NCAPG2: variants seen among roughly 807,000 people sequenced by gnomAD.
NCAPG2 encodes the protein non-SMC condensin II complex subunit G2, also known as condensin-2 complex subunit G2.
A neutral mutation model predicts 141.1 loss-of-function variants in NCAPG2; 53 were observed. The observed-to-expected ratio is 0.38, with a 90% CI of 0.30 to 0.47. The LOEUF (loss-of-function observed/expected upper bound fraction) is 0.47. Ranked by LOEUF, NCAPG2 falls within the 20% of genes least tolerant of loss-of-function variation. NCAPG2 has a pLI of 0.99. For missense variants in NCAPG2, 1,087 were observed against 1,389.0 expected (o/e 0.78, Z 3.46); for synonymous variants, 499 against 490.7 (o/e 1.02, Z -0.22).
At position 158,641,398 on chromosome 7, in the gene NCAPG2, TTAAATA is replaced by T; in HGVS notation, c.3380+2885_3380+2890del. ...ATATACTGTCTATAAAAAAACCACT[TTAAATA>T]TAAAGACACATATAGATAGAAATTA... On this transcript the variant is annotated intron_variant, in intron 27 of 27. Coordinates refer to ENST00000356309, the MANE Select transcript of NCAPG2 (RefSeq NM_017760.7). The T allele has an allele frequency of 1.4e-5, 7 of 485,950 alleles. No homozygotes were observed. In the South Asian group the frequency reaches 2.5e-4, roughly 17 times the overall value. 30.1% of individuals were successfully genotyped at this position (485,950 alleles called of 1,614,324 possible).
At position 158,701,952 on chromosome 7, in the gene NCAPG2, C is replaced by A; in HGVS notation, c.-39-14G>T. ...TATTTTGTAACCCTAATGGAAAACACAATCATACTGAAACACTTGCAAATA... is the reference window on the plus strand; with the variant it reads ...TATTTTGTAACCCTAATGGAAAACAAAATCATACTGAAACACTTGCAAATA... On this transcript the variant is annotated splice_polypyrimidine_tract_variant and intron_variant, in intron 1 of 27. Transcript: ENST00000356309. 4 of 1,413,650 alleles carry A rather than the reference C, an allele frequency of 2.8e-6. No homozygotes were observed. Among genetic ancestry groups the A allele is most frequent in the South Asian group, 1.3e-5 (1 of 79,952 alleles). The allele number at this position is 1,413,650 out of a possible 1,614,324, so 87.6% of individuals were successfully genotyped here.
At chr7:158,666,700 G>C (rs1051751202) in intron 13 of NCAPG2, among the ~76,000 whole-genome samples, 2 of 151,910 alleles carry the variant, frequency 1.3e-5, no homozygotes, top group African/African-American at 4.8e-5. Context: ...ACCAAGGCAG[G>C]AGGATCGCTT....
chr7:158,665,473 C>T (rs1038864476), intron 13 of NCAPG2: 2 of 152,236 alleles, frequency 1.3e-5, no homozygotes, highest in African/African-American at 4.8e-5. Flanking sequence ...CACATCAAGC[C>T]CTGCCTCGGG....
At chr7:158,696,918 G>T (rs1048976041) in intron 2 of NCAPG2, among the ~76,000 whole-genome samples, 2 of 152,164 alleles carry the variant, frequency 1.3e-5, no homozygotes, top group African/African-American at 4.8e-5. Context: ...ATATGAGAGT[G>T]GTCCCATAAG....
At chr7:158,695,250 T>C (rs1587302389) in intron 2 of NCAPG2, among the ~76,000 whole-genome samples, 1 of 152,232 alleles carries the variant, frequency 6.6e-6, no homozygotes, top group Non-Finnish European at 1.5e-5. Context: ...CATCAGGAAA[T>C]ACTAGTTGAC....
chr7:158,647,937 G>A (rs941471309), intron 24 of NCAPG2, among the ~76,000 whole-genome samples: 1 of 152,116 alleles, frequency 6.6e-6, no homozygotes, highest in African/African-American at 2.4e-5. Flanking sequence ...CTCCTGCCTA[G>A]GCCTCCCAAA....
chr7:158,651,723 T>G (rs1831508116), intron 23 of NCAPG2, among the ~76,000 whole-genome samples: 1 of 152,106 alleles, frequency 6.6e-6, no homozygotes. Flanking sequence ...TCACTTCACA[T>G]CAGCTTTCAA....
At position 158,654,580 on chromosome 7, in the gene NCAPG2, C is replaced by T. The variant is rs779349649; in HGVS notation, c.2746+15G>A. On this transcript the variant is annotated intron_variant, in intron 22 of 27. Coordinates refer to ENST00000356309, the MANE Select transcript of NCAPG2 (RefSeq NM_017760.7). ...GTTCTGAGTATTTATTGCTCTAAAA[C>T]AGCCCTGACTGTACCTGTTTGCATG... is the stretch of plus-strand genomic sequence containing the variant. 4 of 1,611,686 alleles carry T rather than the reference C, an allele frequency of 2.5e-6. No individual in the cohort carries two copies. In the South Asian group the frequency reaches 3.3e-5, roughly 13 times the overall value.
intron 9 of NCAPG2, 117 bp downstream of exon 9, chr7:158,683,183 G>C: frequency 2.4e-6 from 2 of 832,454 alleles, no homozygotes; most frequent in East Asian, 2.9e-5. Context: ...TCAAGGTTCT[G>C]AGAAATCCCC....
At chr7:158,690,191 G>A (rs913112108) in intron 5 of NCAPG2, among the ~76,000 whole-genome samples, 3 of 152,098 alleles carry the variant, frequency 2.0e-5, no homozygotes, top group Admixed American at 6.6e-5. Flanking sequence ...GAACTTCCTC[G>A]ATGATGAAGA....
In NCAPG2 at chr7:158,703,998, G is replaced by A. The variant is rs1055184474; in HGVS notation, c.-40+726C>T. ...GCAGTTCCCATGCCCAGGACAGAGG[G>A]GGTCGCTCTCTGAGGGCAGTGCCCA... On this transcript the variant is annotated intron_variant, in intron 1 of 27. Transcript: ENST00000356309. Among the ~76,000 whole-genome samples, 21 of 149,724 alleles carry A rather than the reference G, an allele frequency of 1.4e-4. No homozygotes were observed. The East Asian group carries it at 3.9e-3, about 28-fold the overall frequency.
In NCAPG2 at chr7:158,687,521, T is replaced by C. The variant is rs1030715009; in HGVS notation, c.673-79A>G. On this transcript the variant is annotated intron_variant, in intron 6 of 27. Coordinates refer to ENST00000356309, the MANE Select transcript of NCAPG2 (RefSeq NM_017760.7). ...AATAACAAACAATTATTTGAACGTC[T>C]AGTAAGCTAAACATTGCTATTGCTA... is the stretch of plus-strand genomic sequence containing the variant. 3 of 1,052,820 alleles carry C rather than the reference T, an allele frequency of 2.8e-6. No individual in the cohort carries two copies. The African/African-American group carries it at 4.8e-5, about 17-fold the overall frequency. 65.2% of individuals were successfully genotyped at this position (1,052,820 alleles called of 1,614,324 possible).
Position 158,646,854 on chromosome 7 carries a change from C to T in NCAPG2, c.3076-291G>A, listed in dbSNP as rs181868438. Among the ~76,000 whole-genome samples the T allele has an allele frequency of 5.2e-3, 795 of 151,864 alleles. 2 individuals carry two copies. The highest frequency in any genetic ancestry group is 8.7e-3 in the Non-Finnish European group (594 of 67,944). On this transcript the variant is annotated intron_variant, in intron 24 of 27. Transcript: ENST00000356309. The stretch of plus-strand genomic sequence containing the variant: ...ATCAGGCTAGTCAACATGACAAGAC[C>T]CTGCCTCTCTAACAAAATTTTAAAA...
intron 9 of NCAPG2, among the ~76,000 whole-genome samples, chr7:158,681,457 C>T (rs1162800766): frequency 1.3e-5 from 2 of 152,160 alleles, no homozygotes; most frequent in Admixed American, 1.3e-4. Flanking sequence ...TTAATTTTGC[C>T]TTACTTCTCT....
intron 2 of NCAPG2, among the ~76,000 whole-genome samples, chr7:158,695,094 T>C (rs978647666): frequency 2.0e-5 from 3 of 152,218 alleles, no homozygotes; most frequent in Non-Finnish European, 4.4e-5. Flanking sequence ...TTTTCCAGTA[T>C]ATCAATGGAC....
In NCAPG2 at chr7:158,633,757, A is replaced by AT. The variant is rs990103094; in HGVS notation, c.3381-2041dup. Among the ~76,000 whole-genome samples the AT allele has an allele frequency of 6.1e-3, 905 of 149,014 alleles. 7 individuals carry two copies. Among genetic ancestry groups the AT allele is most frequent in the African/African-American group, 0.021 (838 of 40,738 alleles). ...ATGAACCCTCCAAAATCTAAAATTA[A>AT]TTTTTTTTTTTGAGACAGGGTCACG... On this transcript the variant is annotated intron_variant, in intron 27 of 27. Coordinates refer to ENST00000356309, the MANE Select transcript of NCAPG2 (RefSeq NM_017760.7). This position sits in a 1 kb window ranked among gnomAD's most constrained non-coding sequence, Gnocchi z 4.1.
chr7:158,690,559 T>C lies in NCAPG2; in HGVS notation c.537+9A>G, dbSNP rs1835053108. 1.2e-6 allele frequency: 2 copies of C among 1,611,762 alleles called. No homozygotes were observed. The highest frequency in any genetic ancestry group is 1.3e-5 in the African/African-American group (1 of 74,834). On this transcript the variant is annotated intron_variant, in intron 5 of 27. Coordinates refer to ENST00000356309, the MANE Select transcript of NCAPG2 (RefSeq NM_017760.7). ...ACCCTGTCTTTAAAAAAATAAAAAG[T>C]GAGCATACTGTCTTAGTCTCCAGAC... is the stretch of plus-strand genomic sequence containing the variant.
intron 27 of NCAPG2, chr7:158,641,361 C>T (rs1830632550): frequency 2.4e-6 from 1 of 414,674 alleles, no homozygotes; most frequent in African/African-American, 2.0e-5. Flanking sequence ...GATCAAAAAA[C>T]ATGACCCATT....
intron 16 of NCAPG2, among the ~76,000 whole-genome samples, chr7:158,660,715 T>C (rs4909252): frequency 0.55 from 83,708 of 152,030 alleles, 23,582 homozygotes; most frequent in Middle Eastern, 0.61. Flanking sequence ...CATGCCCAGC[T>C]AATGAGCTTT....
Sources: allele counts gnomAD v4.1 joint callset (sites outside exome capture counted in the v4.1 genomes callset), GRCh38; gene constraint gnomAD v4.1.1; non-coding constraint Gnocchi (gnomAD v3.1); transcripts MANE v1.5; gene names NCBI Gene and HGNC (gene_info 2026-07-23, HGNC 2026-07-21).